CNTN5: variants seen among roughly 807,000 people sequenced by gnomAD.
The protein encoded by CNTN5 is contactin-5.
In CNTN5, 77 loss-of-function variants were observed where a neutral mutation model predicts 129.1. The ratio of observed to expected loss-of-function variants is 0.60; its 90% CI spans 0.50 to 0.72. The LOEUF is 0.72. Ranked by LOEUF, CNTN5 falls within the 30% of genes least tolerant of loss-of-function variation. CNTN5 has a pLI of 0.00. For synonymous variants in CNTN5, 509 were observed against 465.6 expected, an observed-to-expected ratio of 1.09 and a Z score of -1.20; for missense variants, 1,478 against 1,328.8, an observed-to-expected ratio of 1.11 and a Z score of -1.75.
Position 99,570,789 on chromosome 11 carries a change from T to TA in CNTN5, c.55+14521dup, listed in dbSNP as rs1378173011. ...AATGGAATAAAATGATAGTGAGTAA[T>TA]ATTGGGGGAGATGGGGTGGCAAGGT... On this transcript the variant is annotated intron_variant, in intron 3 of 24. Coordinates refer to ENST00000524871, the MANE Select transcript of CNTN5 (RefSeq NM_014361.4). Among the ~76,000 whole-genome samples, 4 of 152,038 alleles carry TA rather than the reference T, an allele frequency of 2.6e-5. No individual in the cohort carries two copies. In the East Asian group the frequency reaches 7.7e-4, roughly 29 times the overall value.
At chr11:99,220,629 T>C (rs1273589601) in intron 1 of CNTN5, among the ~76,000 whole-genome samples, 3 of 151,976 alleles carry the variant, frequency 2.0e-5, no homozygotes, top group Admixed American at 6.6e-5. Context: ...TTTACTTGCA[T>C]TTTTCCAGCT....
At chr11:100,068,950 CAT>C (rs144144515) in intron 10 of CNTN5, among the ~76,000 whole-genome samples, 5 of 152,164 alleles carry the variant, frequency 3.3e-5, no homozygotes, top group Non-Finnish European at 7.4e-5. Context: ...TAAAATAGGA[CAT>C]GTTTGTTTGA....
intron 3 of CNTN5, among the ~76,000 whole-genome samples, chr11:99,602,391 C>T (rs1020825659): frequency 1.3e-4 from 19 of 151,930 alleles, no homozygotes; most frequent in African/African-American, 2.7e-4. Flanking sequence ...AAGAGGAAAG[C>T]GCAGTGTTTA....
chr11:99,496,856 C>T (rs1007788925), intron 2 of CNTN5, among the ~76,000 whole-genome samples: 4 of 152,210 alleles, frequency 2.6e-5, no homozygotes, highest in Admixed American at 6.5e-5. Flanking sequence ...AAAGTCAACC[C>T]TAAATGTAGA....
intron 8 of CNTN5, among the ~76,000 whole-genome samples, chr11:99,976,467 C>T (rs142879612): frequency 2.5e-3 from 381 of 152,284 alleles, no homozygotes; most frequent in Middle Eastern, 0.01. Flanking sequence ...TCCACCCCTG[C>T]GTCAGACATC....
chr11:99,565,972 T>C (rs1289836932), intron 3 of CNTN5, among the ~76,000 whole-genome samples: 1 of 152,178 alleles, frequency 6.6e-6, no homozygotes, highest in Admixed American at 6.5e-5. Context: ...TTGCTTTCAA[T>C]AAGAGTAGCT....
At chr11:100,296,739 G>C (rs975413518) in intron 18 of CNTN5, among the ~76,000 whole-genome samples, 3 of 151,484 alleles carry the variant, frequency 2.0e-5, no homozygotes, top group Non-Finnish European at 3.0e-5. Flanking sequence ...TGTATAAAAG[G>C]CTGTGTGAAT....
intron 9 of CNTN5, among the ~76,000 whole-genome samples, chr11:100,024,936 C>A (rs1487696668): frequency 6.6e-6 from 1 of 152,056 alleles, no homozygotes; most frequent in African/African-American, 2.4e-5. Context: ...CCTGACAATG[C>A]GATAGAAAAG....
chr11:99,713,788 T>C (rs1955102729), intron 3 of CNTN5, among the ~76,000 whole-genome samples: 1 of 151,968 alleles, frequency 6.6e-6, no homozygotes, highest in African/African-American at 2.4e-5. Flanking sequence ...AATTGATTTT[T>C]TCCCTTCATT....
chr11:99,977,694 T>C (rs1938078342), intron 8 of CNTN5, among the ~76,000 whole-genome samples: 1 of 152,132 alleles, frequency 6.6e-6, no homozygotes. Context: ...TGCTAAACCA[T>C]GAGAAACCAC....
chr11:100,053,898 G>A (rs904862256), intron 9 of CNTN5, among the ~76,000 whole-genome samples: 1 of 151,714 alleles, frequency 6.6e-6, no homozygotes, highest in Non-Finnish European at 1.5e-5. Flanking sequence ...AACTACCGAT[G>A]TGCACAACAA....
intron 8 of CNTN5, among the ~76,000 whole-genome samples, chr11:99,960,312 C>A (rs759628113): frequency 3.3e-5 from 5 of 151,972 alleles, no homozygotes; most frequent in Non-Finnish European, 7.4e-5. Context: ...AAATGAGGAT[C>A]ATTTTATTCC....
At chr11:99,746,078 G>A (rs563627508) in intron 3 of CNTN5, among the ~76,000 whole-genome samples, 5 of 152,274 alleles carry the variant, frequency 3.3e-5, no homozygotes, top group East Asian at 1.9e-4. Flanking sequence ...CATCAAGGTT[G>A]CCTGCAAGTA....
At chr11:99,105,288 A>C (rs938791757) in intron 1 of CNTN5, among the ~76,000 whole-genome samples, 2 of 152,152 alleles carry the variant, frequency 1.3e-5, no homozygotes, top group Non-Finnish European at 1.5e-5. Context: ...CAAAAGCATA[A>C]AAAAATTACA....
chr11:100,202,245 G>C (rs1285968520), intron 15 of CNTN5, among the ~76,000 whole-genome samples: 1 of 151,908 alleles, frequency 6.6e-6, no homozygotes, highest in Non-Finnish European at 1.5e-5. Context: ...GGCATATCTA[G>C]AACTATTTAG....
At chr11:100,000,777 A>G (rs1198592176) in intron 8 of CNTN5, among the ~76,000 whole-genome samples, 1 of 152,176 alleles carries the variant, frequency 6.6e-6, no homozygotes, top group Admixed American at 6.5e-5. Flanking sequence ...AAATCTAGGA[A>G]GAGGTTGCCA....
chr11:99,425,864 C>G (rs550272682), intron 2 of CNTN5, among the ~76,000 whole-genome samples: 1 of 152,236 alleles, frequency 6.6e-6, no homozygotes, highest in East Asian at 1.9e-4. Context: ...ACTCCTCCCC[C>G]ACTGCAGCCA....
At chr11:100,092,761 G>T (rs183602205) in intron 13 of CNTN5, among the ~76,000 whole-genome samples, 1 of 151,340 alleles carries the variant, frequency 6.6e-6, no homozygotes, top group African/African-American at 2.4e-5. Context: ...TCCTCTTTGC[G>T]CATATGTGTG....
chr11:99,481,838 G>A (rs551752902), intron 2 of CNTN5, among the ~76,000 whole-genome samples: 17 of 152,234 alleles, frequency 1.1e-4, no homozygotes, highest in Admixed American at 7.2e-4. Flanking sequence ...GCCTACCATA[G>A]TCAAGATTCT....
Sources: gnomAD v4.1 joint callset for allele counts (sites outside exome capture counted in the v4.1 genomes callset) on GRCh38, gnomAD v4.1.1 for gene constraint, MANE v1.5 for transcripts, NCBI Gene and HGNC (gene_info 2026-07-23, HGNC 2026-07-21) for gene names.